SORCS3: variants seen among roughly 807,000 people sequenced by gnomAD.
SORCS3 encodes sortilin related VPS10 domain containing receptor 3.
SORCS3 carries 57 observed loss-of-function variants against 146.3 expected under a neutral mutation model. That is an observed-to-expected ratio of 0.39 (90% CI 0.31 to 0.49). The LOEUF (loss-of-function observed/expected upper bound fraction) is 0.49, where lower values mean the gene tolerates loss of function less well. Among genes scored for constraint, SORCS3 ranks in the 20% least tolerant of loss-of-function variants. The pLI is 0.92. For missense variants in SORCS3, 1,341 were observed against 1,575.5 expected (o/e 0.85, Z 2.52); for synonymous variants, 653 against 618.5 (o/e 1.06, Z -0.83).
chr10:104,808,733 A>C (rs2017708638), intron 1 of SORCS3, among the ~76,000 whole-genome samples: 1 of 152,228 alleles, frequency 6.6e-6, no homozygotes. Context: ...ACATCTACTG[A>C]GTATTTACAT....
chr10:105,105,527 A>T lies in SORCS3; in HGVS notation c.1212+12A>T, dbSNP rs1304949939. ...ATATCTTCATTCAGGTGAGTACAGA[A>T]AGTGCAGTTGGTGGTAGGAGGATGC... On this transcript the variant is annotated intron_variant, in intron 7 of 26. Coordinates refer to ENST00000369701, the MANE Select transcript of SORCS3 (RefSeq NM_014978.3). The T allele has an allele frequency of 1.3e-6, 2 of 1,574,582 alleles. No homozygotes were observed. Among genetic ancestry groups the T allele is most frequent in the East Asian group, 4.5e-5 (2 of 44,688 alleles).
chr10:105,255,437 C>G (rs868679403), intron 23 of SORCS3, among the ~76,000 whole-genome samples: 1 of 151,986 alleles, frequency 6.6e-6, no homozygotes, highest in African/African-American at 2.4e-5. Context: ...CTAACCTGTA[C>G]GTTGTGCACA....
At chr10:104,884,440 T>C (rs1199137306) in intron 2 of SORCS3, among the ~76,000 whole-genome samples, 1 of 152,226 alleles carries the variant, frequency 6.6e-6, no homozygotes, top group Non-Finnish European at 1.5e-5. Context: ...TTTAGCGTTA[T>C]ATACAGTACT....
At chr10:104,970,667 A>G (rs1388261804) in intron 3 of SORCS3, among the ~76,000 whole-genome samples, 1 of 152,208 alleles carries the variant, frequency 6.6e-6, no homozygotes, top group Non-Finnish European at 1.5e-5. Context: ...TCCATTTCTT[A>G]AAAATTTGCT....
At chr10:105,223,094 C>CTT in intron 19 of SORCS3, 22 bp from the exon 20 acceptor site, 1 of 1,575,084 alleles carries the variant, frequency 6.3e-7, no homozygotes, top group Non-Finnish European at 8.7e-7. Flanking sequence ...TAAACACTGA[C>CTT]TTTTTTTTTC....
chr10:104,924,111 G>A (rs2019114827), intron 3 of SORCS3, among the ~76,000 whole-genome samples: 1 of 152,134 alleles, frequency 6.6e-6, no homozygotes, highest in African/African-American at 2.4e-5. Flanking sequence ...GGTCTAATAT[G>A]CTCATTTAAC....
At chr10:105,226,982 G>T (rs899777563) in intron 20 of SORCS3, among the ~76,000 whole-genome samples, 1 of 151,244 alleles carries the variant, frequency 6.6e-6, no homozygotes, top group African/African-American at 2.4e-5. Context: ...TGTTGATTTT[G>T]TTTATCTTTT....
At chr10:104,716,143 T>C (rs1489508427) in intron 1 of SORCS3, among the ~76,000 whole-genome samples, 1 of 152,176 alleles carries the variant, frequency 6.6e-6, no homozygotes, top group Non-Finnish European at 1.5e-5. Flanking sequence ...CAGTCCCCCT[T>C]CCTGCATTAT....
chr10:104,906,832 A>G (rs906960913), intron 2 of SORCS3, among the ~76,000 whole-genome samples: 2 of 152,170 alleles, frequency 1.3e-5, no homozygotes, highest in Non-Finnish European at 2.9e-5. Flanking sequence ...TCATACTTGG[A>G]TACACTTTTG....
At chr10:105,022,601 C>A (rs375590412) in intron 4 of SORCS3, among the ~76,000 whole-genome samples, 1 of 152,042 alleles carries the variant, frequency 6.6e-6, no homozygotes, top group African/African-American at 2.4e-5. Context: ...TTTTTAGAAG[C>A]AATTCTCAAT....
intron 1 of SORCS3, among the ~76,000 whole-genome samples, chr10:104,696,588 T>A (rs1281976051): frequency 1.3e-4 from 12 of 95,704 alleles, no homozygotes; most frequent in South Asian, 2.6e-4. Flanking sequence ...ATAATATATA[T>A]TATATACGTA....
At chr10:104,711,804 G>A (rs2016419404) in intron 1 of SORCS3, among the ~76,000 whole-genome samples, 1 of 152,250 alleles carries the variant, frequency 6.6e-6, no homozygotes. Context: ...ACACCTTGAG[G>A]AAAGTTCAGA....
intron 13 of SORCS3, among the ~76,000 whole-genome samples, chr10:105,175,834 G>A (rs370798065): frequency 4.6e-5 from 7 of 152,172 alleles, no homozygotes; most frequent in African/African-American, 9.7e-5. Context: ...CATTTCATTC[G>A]TGAACATGGA....
chr10:104,912,746 T>C (rs2018981741), intron 2 of SORCS3, among the ~76,000 whole-genome samples: 1 of 152,330 alleles, frequency 6.6e-6, no homozygotes, highest in African/African-American at 2.4e-5. Flanking sequence ...AACATGGTTC[T>C]AGTCTTCAAG....
At chr10:104,857,104 A>T (rs745940992) in intron 2 of SORCS3, among the ~76,000 whole-genome samples, 1 of 149,192 alleles carries the variant, frequency 6.7e-6, no homozygotes, top group Non-Finnish European at 1.5e-5. Flanking sequence ...GGGGATGGGC[A>T]TGCTAGATAA....
chr10:104,984,248 T>C (rs1423350539), intron 4 of SORCS3, among the ~76,000 whole-genome samples: 1 of 152,188 alleles, frequency 6.6e-6, no homozygotes, highest in African/African-American at 2.4e-5. Flanking sequence ...AATACAAGAA[T>C]TTATTGACAT....
At chr10:105,038,542 C>T (rs752058513) in intron 4 of SORCS3, among the ~76,000 whole-genome samples, 2 of 151,934 alleles carry the variant, frequency 1.3e-5, no homozygotes, top group South Asian at 4.2e-4. Flanking sequence ...TTTACTGTAA[C>T]AAAAATATAA....
At chr10:104,794,810 C>T (rs2017534717) in intron 1 of SORCS3, among the ~76,000 whole-genome samples, 1 of 152,114 alleles carries the variant, frequency 6.6e-6, no homozygotes, top group Admixed American at 6.5e-5. Context: ...AAACAAATTC[C>T]TTGGCGTAAA....
intron 16 of SORCS3, 96 bp downstream of exon 16, chr10:105,201,349 A>G: frequency 1.4e-6 from 2 of 1,431,736 alleles, no homozygotes; most frequent in African/African-American, 1.4e-5. Flanking sequence ...AGGAAGCATG[A>G]CGCAGAGATA....
Sources: allele counts gnomAD v4.1 joint callset (sites outside exome capture counted in the v4.1 genomes callset), GRCh38; gene constraint gnomAD v4.1.1; transcripts MANE v1.5; gene names NCBI Gene and HGNC (gene_info 2026-07-23, HGNC 2026-07-21).